Variants in SLC29A3 observed in about 807,000 individuals in gnomAD.
SLC29A3 encodes solute carrier family 29 member 3, also known as equilibrative nucleoside transporter 3.
A neutral mutation model predicts 25.4 loss-of-function variants in SLC29A3; 18 were observed. The ratio of observed to expected loss-of-function variants is 0.71; its 90% CI spans 0.49 to 1.05. The LOEUF (loss-of-function observed/expected upper bound fraction) is 1.05, where lower values mean the gene tolerates loss of function less well. Ranked by LOEUF, SLC29A3 falls within the 50% of genes least tolerant of loss-of-function variation. SLC29A3 has a pLI of 0.00. For missense variants in SLC29A3, 586 were observed against 609.0 expected (o/e 0.96, Z 0.40); for synonymous variants, 258 against 267.1 (o/e 0.97, Z 0.33).
At chr10:71,348,249 C>T (rs1333343242) in intron 3 of SLC29A3, among the ~76,000 whole-genome samples, 5 of 152,380 alleles carry the variant, frequency 3.3e-5, no homozygotes, top group Admixed American at 1.3e-4. Flanking sequence ...CCTCATCTTT[C>T]CAGCCTGGCC....
Position 71,363,071 on chromosome 10 carries a change from C to T in SLC29A3, c.*463C>T, listed in dbSNP as rs1425992051. On this transcript the variant is annotated 3_prime_UTR_variant, in exon 6 of 6. Transcript: ENST00000373189. ...GAAGGGGTCTCCCTGGAATGGAAGT[C>T]CCCTGGCATGGTCAGTCCTCAGGCC... The T allele has an allele frequency of 4.4e-6, 2 of 452,590 alleles. No homozygotes were observed. Among genetic ancestry groups the T allele is most frequent in the African/African-American group, 2.0e-5 (1 of 49,946 alleles). The allele number at this position is 452,590 out of a possible 1,614,324, so 28.0% of individuals were successfully genotyped here. A position where few individuals can be genotyped will look rare whatever the true frequency, so the allele number is the denominator to read the frequency against.
At chr10:71,338,970 C>T (rs1160591020) in intron 2 of SLC29A3, among the ~76,000 whole-genome samples, 1 of 152,182 alleles carries the variant, frequency 6.6e-6, no homozygotes, top group African/African-American at 2.4e-5. Flanking sequence ...GGGCTTGTGC[C>T]TCCAGGAGAC....
At chr10:71,377,311 G>A (rs1847260238) in intron 4 of SLC29A3, among the ~76,000 whole-genome samples, 2 of 152,216 alleles carry the variant, frequency 1.3e-5, no homozygotes, top group African/African-American at 2.4e-5. Context: ...GACACACCAA[G>A]CGGGGTATGG....
At position 71,362,875 on chromosome 10, in the gene SLC29A3, A is replaced by C; in HGVS notation, c.*267A>C. 1.6e-6 allele frequency: 1 copy of C among 645,144 alleles called. No homozygotes were observed. The highest frequency in any genetic ancestry group is 2.9e-6 in the Non-Finnish European group (1 of 350,012). 40.0% of individuals were successfully genotyped at this position (645,144 alleles called of 1,614,324 possible). A position where few individuals can be genotyped will look rare whatever the true frequency, so the allele number is the denominator to read the frequency against. ...ATCAGGGGTACTCCCTTCACAGCTG[A>C]TGGTTAACATTCCACCTTCTTTCTA... is the stretch of plus-strand genomic sequence containing the variant. On this transcript the variant is annotated 3_prime_UTR_variant, in exon 6 of 6. Transcript: ENST00000373189.
intron 3 of SLC29A3, 100 bp downstream of exon 3, chr10:71,344,391 G>A (rs1349619953): frequency 1.6e-5 from 14 of 887,196 alleles, no homozygotes; most frequent in African/African-American, 3.3e-5. Context: ...TACTTAAGTG[G>A]TGGTCACCAA....
chr10:71,371,221 A>G (rs1426985935), intron 3 of SLC29A3, among the ~76,000 whole-genome samples: 3 of 152,124 alleles, frequency 2.0e-5, no homozygotes, highest in South Asian at 4.1e-4. Flanking sequence ...CCCACTTCCT[A>G]TGCACTCACT....
Position 71,363,134 on chromosome 10 carries a change from G to T in SLC29A3, c.*526G>T. ...GTGCACAGACCCCTGTGTTCTGTGGGTGAACAACTGCCCACTAACCAGACT... is the reference window on the plus strand; with the variant it reads ...GTGCACAGACCCCTGTGTTCTGTGGTTGAACAACTGCCCACTAACCAGACT... On this transcript the variant is annotated 3_prime_UTR_variant, in exon 6 of 6. Coordinates refer to ENST00000373189, the MANE Select transcript of SLC29A3 (RefSeq NM_018344.6). 2.3e-6 allele frequency: 1 copy of T among 438,760 alleles called. No homozygotes were observed. The highest frequency in any genetic ancestry group is 1.6e-5 in the South Asian group (1 of 62,034). The allele number at this position is 438,760 out of a possible 1,614,324, so 27.2% of individuals were successfully genotyped here.
At chr10:71,347,532 G>A (rs1023372196) in intron 3 of SLC29A3, among the ~76,000 whole-genome samples, 16 of 152,218 alleles carry the variant, frequency 1.1e-4, no homozygotes, top group Admixed American at 6.5e-5. Flanking sequence ...CCCTTCCTGG[G>A]TGGAAGCAGC....
intron 3 of SLC29A3, among the ~76,000 whole-genome samples, chr10:71,375,471 C>T (rs1847243793): frequency 1.3e-5 from 2 of 152,210 alleles, no homozygotes; most frequent in South Asian, 4.1e-4. Context: ...ACAAAGAGAT[C>T]AAGGTTTTGC....
intron 3 of SLC29A3, among the ~76,000 whole-genome samples, chr10:71,348,048 C>T (rs1846640847): frequency 6.6e-6 from 1 of 152,354 alleles, no homozygotes; most frequent in African/African-American, 2.4e-5. Flanking sequence ...TCCTGCCATG[C>T]TGAGGCAGCA....
At chr10:71,357,312 G>A (rs1846941131) in intron 5 of SLC29A3, among the ~76,000 whole-genome samples, 3 of 152,210 alleles carry the variant, frequency 2.0e-5, no homozygotes, top group Admixed American at 6.5e-5. Flanking sequence ...CTACTCGGGC[G>A]GCTGAGGCAA....
At chr10:71,376,369 C>T (rs1249931610) in intron 4 of SLC29A3, among the ~76,000 whole-genome samples, 1 of 141,870 alleles carries the variant, frequency 7.0e-6, no homozygotes, top group African/African-American at 2.7e-5. Context: ...CTTGACTAGC[C>T]TGGGTTGGAA....
chr10:71,356,216 T>C lies in SLC29A3; in HGVS notation c.746T>C (p.Leu249Pro). 6.2e-7 allele frequency: 1 copy of C among 1,614,012 alleles called. No individual in the cohort carries two copies. Among genetic ancestry groups the C allele is most frequent in the South Asian group, 1.1e-5 (1 of 91,082 alleles). Residue 249 changes from leucine (L) to proline (P), a missense_variant, in exon 5 of 6, where the codon CTG (leucine) becomes CCG (proline). By Grantham distance (98) the Leu-to-Pro change is moderately conservative. Coordinates refer to ENST00000373189, the MANE Select transcript of SLC29A3 (RefSeq NM_018344.6). The stretch of plus-strand genomic sequence containing the variant: ...CTCGTGCTCTGCATGGGACTCTACC[T>C]GCTGCTGTCCAGGCTGGAGTATGCC... The part of the protein sequence containing the change: ...VFLVLCMGLY[L>P]LLSRLEYARY...
chr10:71,336,263 A>G (rs1032435213), intron 2 of SLC29A3, among the ~76,000 whole-genome samples: 1 of 151,996 alleles, frequency 6.6e-6, no homozygotes, highest in African/African-American at 2.4e-5. Flanking sequence ...CTCTTAACTA[A>G]GCATGTCTGC....
intron 2 of SLC29A3, among the ~76,000 whole-genome samples, chr10:71,332,785 A>G (rs901858398): frequency 6.6e-6 from 1 of 152,190 alleles, no homozygotes; most frequent in African/African-American, 2.4e-5. Context: ...AATAAATAAT[A>G]CACCTGTGAT....
chr10:71,345,229 A>G lies in SLC29A3; in HGVS notation c.383+938A>G, dbSNP rs150504086. 5.4e-3 allele frequency among the ~76,000 whole-genome samples: 827 copies of G among 152,356 alleles called. 21 individuals carry two copies. The highest frequency in any genetic ancestry group is 0.021 in the South Asian group (102 of 4,828). On this transcript the variant is annotated intron_variant, in intron 3 of 5. Coordinates refer to ENST00000373189, the MANE Select transcript of SLC29A3 (RefSeq NM_018344.6). ...CTGTTACATAATATGATCCCAAAGC[A>G]TAGTGGCTTAAAACAATACAAGTCA... is the stretch of plus-strand genomic sequence containing the variant.
chr10:71,346,164 A>T (rs1019069918), intron 3 of SLC29A3, among the ~76,000 whole-genome samples: 1 of 152,232 alleles, frequency 6.6e-6, no homozygotes, highest in East Asian at 1.9e-4. Context: ...AGTGGTCTGG[A>T]GGTCCCACAG....
chr10:71,344,089 C>CT lies in SLC29A3; in HGVS notation c.301-119dup. ...TTGGAGGTGGGCTCACCCACGGCTC[C>CT]TGGGTGTCTGAAGACAGTGGGGAGA... On this transcript the variant is annotated intron_variant, in intron 2 of 5. Transcript: ENST00000373189. 3 of 842,110 alleles carry CT rather than the reference C, an allele frequency of 3.6e-6. No homozygotes were observed. The Admixed American group carries it at 5.5e-5, about 15-fold the overall frequency. 52.2% of individuals were successfully genotyped at this position (842,110 alleles called of 1,614,324 possible).
At chr10:71,326,585 C>A (rs922964105) in intron 2 of SLC29A3, among the ~76,000 whole-genome samples, 7 of 152,324 alleles carry the variant, frequency 4.6e-5, no homozygotes, top group African/African-American at 1.7e-4. Flanking sequence ...AGCTAGATTG[C>A]GTGTGCACCT....
Sources: allele counts gnomAD v4.1 joint callset (sites outside exome capture counted in the v4.1 genomes callset), GRCh38; gene constraint gnomAD v4.1.1; transcripts MANE v1.5; gene names NCBI Gene and HGNC (gene_info 2026-07-23, HGNC 2026-07-21).